Variants in ESRRB observed in about 807,000 individuals in gnomAD.
ESRRB encodes estrogen related receptor beta.
Under a neutral mutation model 46.0 loss-of-function variants are expected in ESRRB, and 16 were observed. The ratio of observed to expected loss-of-function variants is 0.35; its 90% confidence interval spans 0.24 to 0.53. The LOEUF is 0.53. Ranked by LOEUF, ESRRB falls within the 20% of genes least tolerant of loss-of-function variation. The pLI, the probability that ESRRB is intolerant of heterozygous loss-of-function variation, is 0.93. For missense variants in ESRRB, 488 were observed against 607.4 expected, an observed-to-expected ratio of 0.80 and a Z score of 2.07; for synonymous variants, 246 against 259.6, an observed-to-expected ratio of 0.95 and a Z score of 0.50.
At chr14:76,407,501 TA>T (rs201350364) in intron 1 of ESRRB, 10,519 of 980,086 alleles carry the variant, frequency 0.011, 140 homozygotes, top group African/African-American at 0.052. Context: ...GTCTGGTATC[TA>T]AGTGCGATCT....
chr14:76,405,238 A>G (rs887106644), intron 1 of ESRRB, among the ~76,000 whole-genome samples: 3 of 151,986 alleles, frequency 2.0e-5, no homozygotes, highest in East Asian at 1.9e-4. Flanking sequence ...AGTAGCTGGG[A>G]CTACAGGCAC....
intron 3 of ESRRB, among the ~76,000 whole-genome samples, chr14:76,466,827 AATTC>A (rs1217703480): frequency 6.6e-6 from 1 of 151,872 alleles, no homozygotes; most frequent in Non-Finnish European, 1.5e-5. Context: ...GGGTTCAAGC[AATTC>A]TCCTGCTTCA....
At position 76,499,906 on chromosome 14, in the gene ESRRB, T is replaced by C. The variant is rs1890595199; in HGVS notation, c.*1448T>C. The C allele has an allele frequency of 6.2e-7, 1 of 1,614,176 alleles. No individual in the cohort carries two copies. The highest frequency in any genetic ancestry group is 1.7e-5 in the Admixed American group (1 of 60,024). ...AGAGGATCTCCCAAGGATGAAAGAA[T>C]GTCAAGCCATGATGGAAAATGCCCC... On this transcript the variant is annotated 3_prime_UTR_variant, in exon 7 of 7. Transcript: ENST00000644823.
At chr14:76,369,191 GA>G (rs200417472), upstream of ESRRB, among the ~76,000 whole-genome samples, 51,562 of 132,552 alleles carry the variant, frequency 0.39, 10,296 homozygotes, top group Middle Eastern at 0.48. Context: ...TCAAAAAAAA[GA>G]AAAAAAAAAA....
chr14:76,416,341 C>T (rs1173840089), intron 1 of ESRRB, among the ~76,000 whole-genome samples: 1 of 152,032 alleles, frequency 6.6e-6, no homozygotes, highest in African/African-American at 2.4e-5. Context: ...GCCATGTTGG[C>T]CAAGCTGGTC....
chr14:76,473,271 A>G (rs959065455), intron 3 of ESRRB, among the ~76,000 whole-genome samples: 3 of 152,234 alleles, frequency 2.0e-5, no homozygotes, highest in Admixed American at 2.0e-4. Context: ...TATGAAATAG[A>G]TTTGTAAACC....
At chr14:76,337,620 C>T (rs1038879972) in intron 1 of ESRRB, among the ~76,000 whole-genome samples, 1 of 152,182 alleles carries the variant, frequency 6.6e-6, no homozygotes, top group Non-Finnish European at 1.5e-5. Context: ...AGCAAGCTTT[C>T]ACCTTGGAAA....
intron 1 of ESRRB, among the ~76,000 whole-genome samples, chr14:76,324,125 TAAGGGACTGAAG>T (rs1432695908): frequency 6.6e-5 from 10 of 152,098 alleles, no homozygotes; most frequent in Admixed American, 6.6e-4. Flanking sequence ...GGGAATCCTG[TAAGGGACTGAAG>T]AAGGAAAAAT....
chr14:76,365,509 C>A (rs1237006239), intron 1 of ESRRB, among the ~76,000 whole-genome samples: 2 of 151,684 alleles, frequency 1.3e-5, no homozygotes, highest in Non-Finnish European at 2.9e-5. Context: ...ACAAACAAGC[C>A]CCCCACTGAA....
At chr14:76,373,818 C>T (rs565235862), upstream of ESRRB, among the ~76,000 whole-genome samples, 56 of 152,340 alleles carry the variant, frequency 3.7e-4, no homozygotes, top group African/African-American at 1.3e-3. Flanking sequence ...CACCTTCATG[C>T]CTGAACCTTA....
At chr14:76,363,126 G>T (rs1884483349) in intron 1 of ESRRB, among the ~76,000 whole-genome samples, 1 of 152,332 alleles carries the variant, frequency 6.6e-6, no homozygotes, top group South Asian at 2.1e-4. Context: ...TCCAAGGAAT[G>T]AGAGGAATTG....
intron 1 of ESRRB, among the ~76,000 whole-genome samples, chr14:76,327,487 A>AATGATG (rs10543425): frequency 0.015 from 2,231 of 150,734 alleles, 67 homozygotes; most frequent in African/African-American, 0.051. Flanking sequence ...TGATGATGAT[A>AATGATG]ATGATGATGA....
upstream of ESRRB, among the ~76,000 whole-genome samples, chr14:76,367,038 C>T (rs1439030521): frequency 6.6e-6 from 1 of 152,114 alleles, no homozygotes; most frequent in Non-Finnish European, 1.5e-5. Flanking sequence ...TTTGACTTAG[C>T]CCTGGTCGTC....
At chr14:76,458,840 C>CTTTTT (rs58084859) in intron 2 of ESRRB, among the ~76,000 whole-genome samples, 6 of 126,270 alleles carry the variant, frequency 4.8e-5, no homozygotes, top group African/African-American at 9.5e-5. Context: ...TCACCCTCTC[C>CTTTTT]TTTTTTTTTT....
intron 1 of ESRRB, among the ~76,000 whole-genome samples, chr14:76,361,390 A>C (rs979379583): frequency 6.6e-6 from 1 of 152,170 alleles, no homozygotes; most frequent in Non-Finnish European, 1.5e-5. Context: ...TGAGAGATTA[A>C]ATAGCCATTA....
chr14:76,396,301 A>T (rs1328482860), intron 1 of ESRRB, among the ~76,000 whole-genome samples: 1 of 152,206 alleles, frequency 6.6e-6, no homozygotes, highest in Non-Finnish European at 1.5e-5. Flanking sequence ...TGGACAGTGG[A>T]TAGAGTAAAA....
rs1884764199 is a variant in ESRRB at position 76,376,310 on chromosome 14, G to A, written c.-92G>A. 2.9e-6 allele frequency: 3 copies of A among 1,028,766 alleles called. No homozygotes were observed. The highest frequency in any genetic ancestry group is 3.7e-6 in the Non-Finnish European group (3 of 802,924). The allele number at this position is 1,028,766 out of a possible 1,614,324, so 63.7% of individuals were successfully genotyped here. A position where few individuals can be genotyped will look rare whatever the true frequency, so the allele number is the denominator to read the frequency against. On this transcript the variant is annotated 5_prime_UTR_variant, in exon 1 of 7. Transcript: ENST00000644823. This position sits in a 1 kb window ranked among gnomAD's most constrained non-coding sequence, Gnocchi z 4.1. ...TTCTCGCGCTCACTGTGCCCTGCCC[G>A]GGCTCGCACCTTGCCCGTGCCCTTC...
intron 3 of ESRRB, chr14:76,463,445 G>GTTTTGTTTTTTTTTTTTTTTTTTTTTTT (rs1555342250): frequency 5.2e-5 from 6 of 114,708 alleles, no homozygotes; most frequent in African/African-American, 2.2e-4. Flanking sequence ...ATGCTTCTTT[G>GTTTTGTTTTTTTTTTTTTTTTTTTTTTT]TTTTTTTTTT....
At chr14:76,456,038 G>GCGCGCA (rs1555399437) in intron 2 of ESRRB, among the ~76,000 whole-genome samples, 3 of 137,186 alleles carry the variant, frequency 2.2e-5, no homozygotes, top group African/African-American at 8.1e-5. Flanking sequence ...AGCGAAACTC[G>GCGCGCA]CACACACACA....
Sources: allele counts gnomAD v4.1 joint callset (sites outside exome capture counted in the v4.1 genomes callset), GRCh38; gene constraint gnomAD v4.1.1; non-coding constraint Gnocchi (gnomAD v3.1); transcripts MANE v1.5; gene names NCBI Gene and HGNC (gene_info 2026-07-23, HGNC 2026-07-21).